Variants in DNAH5 observed in about 807,000 individuals in gnomAD.
DNAH5 encodes the protein axonemal beta dynein heavy chain 5.
DNAH5 carries 372 observed loss-of-function variants against 518.2 expected under a neutral mutation model. The observed-to-expected ratio is 0.72, with a 90% confidence interval of 0.66 to 0.78. The LOEUF (loss-of-function observed/expected upper bound fraction) is 0.78. DNAH5 is among the 30% of genes least tolerant of loss of function. DNAH5 has a pLI of 0.00. For synonymous variants in DNAH5, 2,039 were observed against 2,025.9 expected (o/e 1.01, Z -0.17); for missense variants, 5,523 against 5,687.0 (o/e 0.97, Z 0.93).
intron 1 of DNAH5, among the ~76,000 whole-genome samples, chr5:14,007,028 A>T (rs1453713930): frequency 6.6e-6 from 1 of 152,152 alleles, no homozygotes; most frequent in African/African-American, 2.4e-5. Context: ...GATGTGGACC[A>T]GGCCCTCCAC....
chr5:13,994,110 G>A (rs980818824), intron 1 of DNAH5, among the ~76,000 whole-genome samples: 13 of 152,108 alleles, frequency 8.5e-5, no homozygotes, highest in African/African-American at 4.8e-5. Flanking sequence ...CCCAGCCTCC[G>A]CCTACAGGCT....
chr5:13,709,329 TG>T (rs1743192591), intron 75 of DNAH5, among the ~76,000 whole-genome samples: 1 of 152,180 alleles, frequency 6.6e-6, no homozygotes, highest in African/African-American at 2.4e-5. Flanking sequence ...TAAAACTATA[TG>T]GAAAATCAGC....
chr5:13,747,962 G>A (rs1205262954), intron 65 of DNAH5, among the ~76,000 whole-genome samples: 2 of 152,182 alleles, frequency 1.3e-5, no homozygotes, highest in African/African-American at 4.8e-5. Flanking sequence ...CCATGCCTAT[G>A]TCCTGAATGG....
At chr5:13,767,106 G>GTA (rs745481880) in intron 58 of DNAH5, among the ~76,000 whole-genome samples, 66 of 151,914 alleles carry the variant, frequency 4.3e-4, no homozygotes, top group African/African-American at 1.3e-3. Context: ...GAAAAGGTTT[G>GTA]TATATATATA....
chr5:13,832,836 GA>G (rs1325245406), intron 35 of DNAH5, among the ~76,000 whole-genome samples: 1 of 152,188 alleles, frequency 6.6e-6, no homozygotes, highest in Non-Finnish European at 1.5e-5. Flanking sequence ...GATGCCAAAT[GA>G]AAAGCAACCA....
At chr5:13,710,899 T>C (rs13182816) in intron 75 of DNAH5, among the ~76,000 whole-genome samples, 62,806 of 151,948 alleles carry the variant, frequency 0.41, 13,133 homozygotes, top group Middle Eastern at 0.49. Context: ...TAAAAAAATC[T>C]AAGACCAGAA....
chr5:13,963,792 G>T (rs1016268000), intron 1 of DNAH5, among the ~76,000 whole-genome samples: 1 of 151,966 alleles, frequency 6.6e-6, no homozygotes, highest in Non-Finnish European at 1.5e-5. Context: ...GGACTCAAAT[G>T]ATCCTCCTGC....
chr5:13,863,292 C>T (rs1171031895), intron 28 of DNAH5, among the ~76,000 whole-genome samples: 1 of 152,136 alleles, frequency 6.6e-6, no homozygotes, highest in Non-Finnish European at 1.5e-5. Flanking sequence ...CCCATGACTT[C>T]AATCACTTTC....
chr5:13,905,723 A>C (rs1250631042), intron 12 of DNAH5, among the ~76,000 whole-genome samples: 1 of 152,216 alleles, frequency 6.6e-6, no homozygotes, highest in Non-Finnish European at 1.5e-5. Context: ...ATGGATTCTT[A>C]TAAAACTAAA....
chr5:13,919,674 T>A (rs1041531631), intron 6 of DNAH5, among the ~76,000 whole-genome samples: 5 of 152,218 alleles, frequency 3.3e-5, no homozygotes, highest in African/African-American at 1.2e-4. Context: ...ATTTATGGGG[T>A]ACATGTGAGT....
rs778911494 is a variant in DNAH5, at chr5:13,814,700, G to A, written c.7135C>T (p.Pro2379Ser). 1 of 1,614,082 alleles carries A rather than the reference G, an allele frequency of 6.2e-7. No homozygotes were observed. Among genetic ancestry groups the A allele is most frequent in the Non-Finnish European group, 8.5e-7 (1 of 1,179,986 alleles). The change falls in exon 43 of 79, where the codon CCT becomes TCT. Residue 2379 changes from proline to serine, a missense_variant. Physicochemically the swap from Pro to Ser is moderately conservative, Grantham distance 74. Around this residue, in one of 3 missense-constraint regions of DNAH5, gnomAD observed 5,121 missense variants for 5,223.3 expected, o/e 0.98. Coordinates refer to ENST00000265104, the MANE Select transcript of DNAH5 (RefSeq NM_001369.3). The stretch of plus-strand genomic sequence containing the variant: ...GGAGAAGCATTGTCAATGTTATGAG[G>A]CTCGAAAATGATCTTGCAGTTTGGA... ...MAPNCKIIFE[P>S]HNIDNASPAT...
intron 76 of DNAH5, among the ~76,000 whole-genome samples, chr5:13,701,871 T>C (rs538260605): frequency 6.6e-6 from 1 of 152,354 alleles, no homozygotes; most frequent in East Asian, 1.9e-4. Flanking sequence ...CACCTAAATA[T>C]GCTCATGGCC....
intron 1 of DNAH5, among the ~76,000 whole-genome samples, chr5:13,958,283 T>G (rs1366946648): frequency 6.6e-6 from 1 of 152,170 alleles, no homozygotes; most frequent in Non-Finnish European, 1.5e-5. Flanking sequence ...TTTAATGTAA[T>G]TTTGTTCATC....
At chr5:13,908,225 A>C (rs998039049) in intron 12 of DNAH5, among the ~76,000 whole-genome samples, 1 of 152,222 alleles carries the variant, frequency 6.6e-6, no homozygotes, top group Non-Finnish European at 1.5e-5. Flanking sequence ...TCTCCTGCTA[A>C]GTCCACATCC....
In DNAH5 at chr5:13,829,535, A is replaced by G; in HGVS notation, c.6419T>C (p.Leu2140Pro). The part of the protein sequence containing the change: ...LARKFFTLYK[L>P]CEEQLSKQVH... ...CTGCTTAGAAAGCTGCTCCTCACAC[A>G]GTTTGTAGAGCGTGAAAAACTTCCT... Residue 2140 changes from leucine (L) to proline (P), a missense_variant, in exon 38 of 79, where the codon CTG becomes CCG. By Grantham distance (98) the Leu-to-Pro change is moderately conservative. Coordinates refer to ENST00000265104, the MANE Select transcript of DNAH5 (RefSeq NM_001369.3). 5 of 1,614,188 alleles carry G rather than the reference A, an allele frequency of 3.1e-6. No homozygotes were observed. Among genetic ancestry groups the G allele is most frequent in the Non-Finnish European group, 4.2e-6 (5 of 1,180,032 alleles).
chr5:13,830,328 G>GTAAAA, intron 36 of DNAH5, 115 bp from the exon 37 acceptor site: 1 of 1,069,444 alleles, frequency 9.4e-7, no homozygotes. Flanking sequence ...CAAAAGTAAA[G>GTAAAA]TGCAACAAAT....
Position 13,769,492 on chromosome 5 carries a change from C to A in DNAH5, c.9720+9G>T. ...AAGGAATGTGGCACATGTGTAAATG[C>A]CCACCCACCATGTCGGCTTTATCGT... On this transcript the variant is annotated intron_variant, in intron 57 of 78. Transcript: ENST00000265104. 6.2e-7 allele frequency: 1 copy of A among 1,609,900 alleles called. No homozygotes were observed. Among genetic ancestry groups the A allele is most frequent in the Non-Finnish European group, 8.5e-7 (1 of 1,176,150 alleles).
chr5:13,967,411 C>T (rs1434947918), intron 1 of DNAH5, among the ~76,000 whole-genome samples: 1 of 152,178 alleles, frequency 6.6e-6, no homozygotes, highest in African/African-American at 2.4e-5. Flanking sequence ...CCAATTATCC[C>T]AGCACCATTT....
chr5:13,784,488 CCT>C (rs1417570417), intron 52 of DNAH5, among the ~76,000 whole-genome samples: 2 of 152,166 alleles, frequency 1.3e-5, no homozygotes, highest in Non-Finnish European at 2.9e-5. Context: ...TCCTGAGCAG[CCT>C]CTCTGTCTTC....
Sources: gnomAD v4.1 joint callset for allele counts (sites outside exome capture counted in the v4.1 genomes callset) on GRCh38, gnomAD v4.1.1 for gene constraint, gnomAD v4.1.1 regional missense constraint, MANE v1.5 for transcripts, NCBI Gene and HGNC (gene_info 2026-07-23, HGNC 2026-07-21) for gene names.